The following MYPN variants were observed in gnomAD, a reference collection of about 807,000 sequenced individuals.
MYPN encodes myopalladin.
In MYPN, 63 loss-of-function variants were observed where a neutral mutation model predicts 129.4. The ratio of observed to expected loss-of-function variants is 0.49; its 90% CI spans 0.40 to 0.60. The LOEUF is 0.60. MYPN is among the 20% of genes least tolerant of loss of function. The probability of loss-of-function intolerance (pLI) is 0.00; values close to 1 mark genes in which losing one functional copy is unlikely to be tolerated. For missense variants in MYPN, 1,596 were observed against 1,635.4 expected, an observed-to-expected ratio of 0.98 and a Z score of 0.42; for synonymous variants, 629 against 600.9, an observed-to-expected ratio of 1.05 and a Z score of -0.68.
chr10:68,146,630 GT>G (rs2042671425), intron 4 of MYPN, among the ~76,000 whole-genome samples: 1 of 152,210 alleles, frequency 6.6e-6, no homozygotes, highest in Admixed American at 6.5e-5. Flanking sequence ...GATTTGGTGG[GT>G]AAAATGACCC....
Position 68,122,174 on chromosome 10 carries a change from G to A in MYPN, c.736G>A (p.Ala246Thr), listed in dbSNP as rs756677221. 33 of 1,610,802 alleles carry A rather than the reference G, an allele frequency of 2.0e-5. No homozygotes were observed. The highest frequency in any genetic ancestry group is 4.5e-5 in the East Asian group (2 of 44,872). Residue 246 changes from alanine to threonine, a missense_variant, in exon 2 of 20, where the codon GCT (alanine) becomes ACT (threonine). Transcript: ENST00000358913. Reference sequence around the variant, plus strand: ...AGCGGAGCAGGCTGCCAGTGAGGCGGCTGGTGGAGACACTACACCAGGGTC... The same window carrying A: ...AGCGGAGCAGGCTGCCAGTGAGGCGACTGGTGGAGACACTACACCAGGGTC... ...REAEQAASEA[A>T]GGDTTPGSSP...
chr10:68,169,896 C>T (rs371064826), intron 10 of MYPN, among the ~76,000 whole-genome samples: 6 of 152,066 alleles, frequency 3.9e-5, no homozygotes, highest in East Asian at 3.9e-4. Context: ...CACACCACCA[C>T]GCCTGGATAA....
chr10:68,136,707 C>T lies in MYPN; in HGVS notation c.903-6233C>T. 3.3e-6 allele frequency: 5 copies of T among 1,535,350 alleles called. No individual in the cohort carries two copies. In the South Asian group the frequency reaches 4.8e-5, roughly 15 times the overall value. The stretch of plus-strand genomic sequence containing the variant: ...ATCTCCTTCTGGCTATCCAATTGCT[C>T]ATAGATGTTTCCACTCTCATTTTGG... On this transcript the variant is annotated intron_variant, in intron 2 of 19. Transcript: ENST00000358913.
At chr10:68,192,592 GTTC>G (rs2043532817) in intron 13 of MYPN, among the ~76,000 whole-genome samples, 1 of 152,232 alleles carries the variant, frequency 6.6e-6, no homozygotes, top group African/African-American at 2.4e-5. Context: ...ATTGATATTA[GTTC>G]TTCTTTAAAT....
intron 13 of MYPN, among the ~76,000 whole-genome samples, chr10:68,191,659 T>C (rs1284190315): frequency 6.6e-6 from 1 of 152,240 alleles, no homozygotes; most frequent in Non-Finnish European, 1.5e-5. Context: ...TCCATTTGTG[T>C]GTGTGTGCCC....
At chr10:68,112,656 C>A (rs1385700575) in intron 1 of MYPN, among the ~76,000 whole-genome samples, 2 of 152,094 alleles carry the variant, frequency 1.3e-5, no homozygotes, top group African/African-American at 4.8e-5. Flanking sequence ...TTCTTTCAAA[C>A]TGAAAAATTT....
chr10:68,172,134 G>T (rs983531505), intron 10 of MYPN, among the ~76,000 whole-genome samples: 1 of 152,086 alleles, frequency 6.6e-6, no homozygotes, highest in African/African-American at 2.4e-5. Context: ...CGGGCAAATT[G>T]CTTGAGCTCA....
intron 16 of MYPN, 145 bp downstream of exon 16, chr10:68,197,623 T>A (rs1446612632): frequency 1.1e-6 from 1 of 927,624 alleles, no homozygotes; most frequent in East Asian, 2.7e-5. Flanking sequence ...TTTTTCATCA[T>A]AAGGCTTGTT....
chr10:68,152,681 G>C (rs1326138258), intron 6 of MYPN, among the ~76,000 whole-genome samples: 1 of 152,172 alleles, frequency 6.6e-6, no homozygotes, highest in Non-Finnish European at 1.5e-5. Context: ...TGTTGCCCAG[G>C]CTAGAGTGCA....
At chr10:68,093,682 C>G (rs1417298788) in intron 1 of MYPN, among the ~76,000 whole-genome samples, 33 of 150,942 alleles carry the variant, frequency 2.2e-4, no homozygotes, top group African/African-American at 7.0e-4. Context: ...GCGTGAACCC[C>G]GGAGGCGGAG....
At chr10:68,144,877 T>A (rs1240496098) in intron 3 of MYPN, among the ~76,000 whole-genome samples, 2 of 152,216 alleles carry the variant, frequency 1.3e-5, no homozygotes, top group Non-Finnish European at 2.9e-5. Flanking sequence ...GCAGGTGTTT[T>A]ACATATGTGA....
At position 68,194,452 on chromosome 10, in the gene MYPN, C is replaced by T; in HGVS notation, c.3015C>T (p.His1005=). 1.2e-6 allele frequency: 2 copies of T among 1,613,908 alleles called. No individual in the cohort carries two copies. Among genetic ancestry groups the T allele is most frequent in the Non-Finnish European group, 8.5e-7 (1 of 1,179,886 alleles). ...RREGDGTCSL[H]IESTTSDDDG... ...AAGGAGATGGGACATGCTCTCTGCA[C>T]ATTGAATCCACTACCAGTGATGACG... Residue 1005 remains histidine, a synonymous_variant, in exon 14 of 20, where the codon CAC becomes CAT. Coordinates refer to ENST00000358913, the MANE Select transcript of MYPN (RefSeq NM_032578.4).
chr10:68,165,491 T>G (rs1483883123), intron 8 of MYPN: 3 of 652,896 alleles, frequency 4.6e-6, no homozygotes, highest in South Asian at 4.5e-5. Flanking sequence ...TTGGCCTGTC[T>G]GCATGGAGTT....
Position 68,211,270 on chromosome 10 carries a change from C to T in MYPN, c.*815C>T, listed in dbSNP as rs143346187. On this transcript the variant is annotated 3_prime_UTR_variant, in exon 20 of 20. Transcript: ENST00000358913. ...CTCTGTGGGGTCACTTTAAAAACTA[C>T]TAGCTTCAACTACCACTTACAAAAT... is the stretch of plus-strand genomic sequence containing the variant. 2.2e-4 allele frequency: 101 copies of T among 454,060 alleles called. No homozygotes were observed. The highest frequency in any genetic ancestry group is 1.9e-3 in the African/African-American group (93 of 50,128). 28.1% of individuals were successfully genotyped at this position (454,060 alleles called of 1,614,324 possible).
intron 7 of MYPN, among the ~76,000 whole-genome samples, chr10:68,160,832 A>G (rs981962045): frequency 6.6e-6 from 1 of 152,146 alleles, no homozygotes; most frequent in African/African-American, 2.4e-5. Flanking sequence ...TAGGAGAATC[A>G]CTTGAACCCA....
chr10:68,201,967 C>G lies in MYPN; in HGVS notation c.3632C>G (p.Thr1211Ser). ...TTCTACTGGAAGAAAGACAATGAGA[C>G]CATCCCTTGCACCAGAGAGAGGATC... is the stretch of plus-strand genomic sequence containing the variant. ...PVFYWKKDNETIPCTRERISM... is the reference protein window; with the variant it reads ...PVFYWKKDNESIPCTRERISM... The change falls in exon 18 of 20, where the codon ACC (threonine) becomes AGC (serine). Residue 1211 changes from threonine (T) to serine (S), a missense_variant. Transcript: ENST00000358913. The G allele has an allele frequency of 6.2e-7, 1 of 1,614,070 alleles. No homozygotes were observed. Among genetic ancestry groups the G allele is most frequent in the South Asian group, 1.1e-5 (1 of 91,084 alleles).
At chr10:68,159,537 T>TA in intron 7 of MYPN, among the ~76,000 whole-genome samples, 1 of 152,366 alleles carries the variant, frequency 6.6e-6, no homozygotes, top group Non-Finnish European at 1.5e-5. Flanking sequence ...TTGTAAGAAT[T>TA]ATTTAGAAAT....
chr10:68,197,658 T>A (rs2043633928), intron 16 of MYPN, among the ~76,000 whole-genome samples, 180 bp downstream of exon 16: 1 of 151,992 alleles, frequency 6.6e-6, no homozygotes, highest in Non-Finnish European at 1.5e-5. Flanking sequence ...TCAGATGAAA[T>A]TATTTTATGA....
At chr10:68,197,168 C>G (rs1260537367) in intron 15 of MYPN, among the ~76,000 whole-genome samples, 184 bp from the exon 16 acceptor site, 1 of 151,944 alleles carries the variant, frequency 6.6e-6, no homozygotes, top group Non-Finnish European at 1.5e-5. Flanking sequence ...ATATGAGATA[C>G]TTACCACTTT....
Sources: allele counts gnomAD v4.1 joint callset (sites outside exome capture counted in the v4.1 genomes callset), GRCh38; gene constraint gnomAD v4.1.1; transcripts MANE v1.5; gene names NCBI Gene and HGNC (gene_info 2026-07-23, HGNC 2026-07-21).